Variants in CBLB observed in about 807,000 individuals in gnomAD.
The protein encoded by CBLB is Cbl proto-oncogene B, also known as E3 ubiquitin-protein ligase CBL-B.
In CBLB, 31 loss-of-function variants were observed where a neutral mutation model predicts 104.9. That is an observed-to-expected ratio of 0.30 (90% CI 0.22 to 0.40). The LOEUF (loss-of-function observed/expected upper bound fraction) is 0.40. Among genes scored for constraint, CBLB ranks in the 10% least tolerant of loss-of-function variants. The probability of loss-of-function intolerance (pLI) is 1.00; values close to 1 mark genes in which losing one functional copy is unlikely to be tolerated. For synonymous variants in CBLB, 440 were observed against 422.6 expected (o/e 1.04, Z -0.51); for missense variants, 1,062 against 1,214.6 (o/e 0.87, Z 1.87).
At chr3:105,726,469 C>T (rs1003847816) in intron 9 of CBLB, among the ~76,000 whole-genome samples, 2 of 151,846 alleles carry the variant, frequency 1.3e-5, no homozygotes, top group East Asian at 3.9e-4. Context: ...CAAAGATATA[C>T]ATTTTTATTT....
upstream of CBLB, chr3:105,869,427 T>G (rs964890952): frequency 7.5e-7 from 1 of 1,326,042 alleles, no homozygotes; most frequent in African/African-American, 1.5e-5. Context: ...TCGCTTACCT[T>G]CCTAGTCTTT....
At position 105,657,855 on chromosome 3, in the gene CBLB, G is replaced by T; in HGVS notation, c.*1115C>A. On this transcript the variant is annotated 3_prime_UTR_variant, in exon 19 of 19. Coordinates refer to ENST00000394030, the MANE Select transcript of CBLB (RefSeq NM_170662.5). ...CTTTGCAAAAAACATTGCCACAGTAGCCTTGACACTCAACAGTGCAACGAA... is the reference window on the plus strand; with the variant it reads ...CTTTGCAAAAAACATTGCCACAGTATCCTTGACACTCAACAGTGCAACGAA... 4.8e-6 allele frequency: 1 copy of T among 209,310 alleles called. No homozygotes were observed. The highest frequency in any genetic ancestry group is 7.3e-5 in the East Asian group (1 of 13,714). 13.0% of individuals were successfully genotyped at this position (209,310 alleles called of 1,614,324 possible).
chr3:105,832,071 T>C (rs1038486681), intron 3 of CBLB, among the ~76,000 whole-genome samples: 37 of 152,094 alleles, frequency 2.4e-4, no homozygotes, highest in African/African-American at 8.7e-4. Context: ...CATAATATAA[T>C]TATTAAAGCA....
At chr3:105,665,114 T>C (rs1411077197) in intron 18 of CBLB, among the ~76,000 whole-genome samples, 2 of 152,122 alleles carry the variant, frequency 1.3e-5, no homozygotes, top group Admixed American at 6.6e-5. Flanking sequence ...TAATAGTATC[T>C]ATTTCAGGCC....
Position 105,702,474 on chromosome 3 carries a change from G to GACAA in CBLB, c.1594-16_1594-15insTTGT. 8.5e-5 allele frequency: 14 copies of GACAA among 165,358 alleles called. No homozygotes were observed. The highest frequency in any genetic ancestry group is 1.7e-4 in the East Asian group (2 of 11,694). The allele number at this position is 165,358 out of a possible 1,614,324, so 10.2% of individuals were successfully genotyped here. On this transcript the variant is annotated splice_polypyrimidine_tract_variant and intron_variant, in intron 11 of 18. Transcript: ENST00000394030. ...CAAGGAGAAGACTAAAGAAACAGAA[G>GACAA]AGAAAAAAAAAAAAAAAAAAAAAAA... is the stretch of plus-strand genomic sequence containing the variant.
intron 3 of CBLB, among the ~76,000 whole-genome samples, chr3:105,780,414 A>T (rs1032508442): frequency 6.6e-6 from 1 of 152,100 alleles, no homozygotes; most frequent in Non-Finnish European, 1.5e-5. Context: ...TTCTGCCACT[A>T]AAACCCAAAC....
chr3:105,779,490 A>AAT (rs1273862886), intron 3 of CBLB, among the ~76,000 whole-genome samples: 3 of 152,110 alleles, frequency 2.0e-5, no homozygotes, highest in Admixed American at 6.5e-5. Context: ...AAAATAGTTG[A>AAT]ATATATATAT....
At chr3:105,809,727 T>C (rs1430648326) in intron 3 of CBLB, among the ~76,000 whole-genome samples, 3 of 152,234 alleles carry the variant, frequency 2.0e-5, no homozygotes. Context: ...TGTTTTCCTT[T>C]ACAAATCCTG....
rs114338172 is a variant in CBLB at position 105,859,238 on chromosome 3, G to A, written c.169-5574C>T. ...AATAAAATGAAAATTTCAACAGTAA[G>A]GAATTGTGCCTATACTATAAGACTT... On this transcript the variant is annotated intron_variant, in intron 2 of 18. Transcript: ENST00000394030. 8.5e-3 allele frequency among the ~76,000 whole-genome samples: 1,293 copies of A among 152,282 alleles called. 16 individuals carry two copies. Among genetic ancestry groups the A allele is most frequent in the African/African-American group, 0.029 (1,213 of 41,546 alleles).
intron 3 of CBLB, among the ~76,000 whole-genome samples, chr3:105,836,582 C>T (rs767947204): frequency 2.0e-5 from 3 of 152,074 alleles, no homozygotes; most frequent in Non-Finnish European, 4.4e-5. Flanking sequence ...CAAATATTTA[C>T]GGGCAAGTTT....
At chr3:105,723,288 T>C (rs1191770771) in intron 9 of CBLB, among the ~76,000 whole-genome samples, 3 of 152,182 alleles carry the variant, frequency 2.0e-5, no homozygotes, top group African/African-American at 4.8e-5. Context: ...TCAAATAATA[T>C]GCATTAATGG....
intron 18 of CBLB, among the ~76,000 whole-genome samples, chr3:105,660,418 C>T (rs2063678360): frequency 6.6e-6 from 1 of 151,964 alleles, no homozygotes; most frequent in African/African-American, 2.4e-5. Flanking sequence ...TCTTGAACTC[C>T]TGACCTCAAG....
intron 12 of CBLB, among the ~76,000 whole-genome samples, chr3:105,696,687 C>T (rs751712023): frequency 6.6e-6 from 1 of 151,818 alleles, no homozygotes; most frequent in Non-Finnish European, 1.5e-5. Context: ...CTTCTAAATT[C>T]CCAATTCTGT....
chr3:105,818,320 T>C (rs1157537770), intron 3 of CBLB, among the ~76,000 whole-genome samples: 1 of 152,164 alleles, frequency 6.6e-6, no homozygotes, highest in Non-Finnish European at 1.5e-5. Flanking sequence ...ATGGAGATTA[T>C]ACATCCACAC....
At chr3:105,716,415 G>C (rs2071882969) in intron 10 of CBLB, among the ~76,000 whole-genome samples, 1 of 152,134 alleles carries the variant, frequency 6.6e-6, no homozygotes, top group South Asian at 2.1e-4. Context: ...ACAAGGCATT[G>C]TCCCTGGCCT....
chr3:105,849,357 T>C (rs1030620776), intron 3 of CBLB, among the ~76,000 whole-genome samples: 8 of 152,096 alleles, frequency 5.3e-5, no homozygotes, highest in African/African-American at 1.9e-4. Context: ...ATTAAGGATA[T>C]GCTATATCAG....
chr3:105,674,549 T>G (rs1431519605), intron 17 of CBLB, among the ~76,000 whole-genome samples: 1 of 152,232 alleles, frequency 6.6e-6, no homozygotes, highest in African/African-American at 2.4e-5. Context: ...TTTTGTGCAC[T>G]GCACAAAGAC....
chr3:105,783,776 T>C (rs890073073), intron 3 of CBLB, among the ~76,000 whole-genome samples: 1 of 152,190 alleles, frequency 6.6e-6, no homozygotes, highest in Non-Finnish European at 1.5e-5. Context: ...CAGCTAGTCC[T>C]GCAACTGGTA....
chr3:105,719,390 G>C (rs1240627418), intron 10 of CBLB, among the ~76,000 whole-genome samples: 1 of 152,146 alleles, frequency 6.6e-6, no homozygotes, highest in African/African-American at 2.4e-5. Context: ...CTCAAACTAT[G>C]ATTATATCAG....
Sources: allele counts gnomAD v4.1 joint callset (sites outside exome capture counted in the v4.1 genomes callset), GRCh38; gene constraint gnomAD v4.1.1; transcripts MANE v1.5; gene names NCBI Gene and HGNC (gene_info 2026-07-23, HGNC 2026-07-21).